The following MAST4 variants were observed in gnomAD, a reference collection of about 807,000 sequenced individuals.
MAST4 encodes microtubule associated serine/threonine kinase family member 4.
Under a neutral mutation model 162.7 loss-of-function variants are expected in MAST4, and 89 were observed. The observed-to-expected ratio is 0.55, with a 90% CI of 0.46 to 0.65. The LOEUF (loss-of-function observed/expected upper bound fraction) is 0.65, where lower values mean the gene tolerates loss of function less well. MAST4 is among the 30% of genes least tolerant of loss of function. MAST4 has a pLI of 0.00. For synonymous variants in MAST4, 1,479 were observed against 1,361.1 expected (o/e 1.09, Z -1.91); for missense variants, 3,153 against 3,374.0 (o/e 0.93, Z 1.62).
chr5:66,934,546 T>A (rs1172798836), intron 4 of MAST4, among the ~76,000 whole-genome samples: 1 of 151,984 alleles, frequency 6.6e-6, no homozygotes, highest in Non-Finnish European at 1.5e-5. Context: ...ACAAAATTTT[T>A]AAAAATGTAT....
chr5:66,704,293 C>T (rs570387242), intron 1 of MAST4, among the ~76,000 whole-genome samples: 1 of 152,182 alleles, frequency 6.6e-6, no homozygotes, highest in African/African-American at 2.4e-5. Context: ...CATCAGTTTC[C>T]TTATCTGTGA....
chr5:66,806,367 A>G (rs965251015), intron 3 of MAST4, among the ~76,000 whole-genome samples: 2 of 152,218 alleles, frequency 1.3e-5, no homozygotes, highest in Non-Finnish European at 1.5e-5. Flanking sequence ...GCTGATGGCA[A>G]CAGTTTTCAC....
At chr5:66,849,924 G>C (rs544607766) in intron 3 of MAST4, among the ~76,000 whole-genome samples, 4 of 152,278 alleles carry the variant, frequency 2.6e-5, no homozygotes, top group African/African-American at 9.6e-5. Context: ...CTCAAGGTCT[G>C]CTTAGATGTT....
At chr5:66,889,017 C>T (rs188031833) in intron 3 of MAST4, among the ~76,000 whole-genome samples, 169 of 152,294 alleles carry the variant, frequency 1.1e-3, no homozygotes, top group Non-Finnish European at 2.1e-3. Flanking sequence ...TAAAAGGTGT[C>T]TTATATCCAC....
chr5:66,967,396 C>T (rs1181855269), intron 4 of MAST4, among the ~76,000 whole-genome samples: 1 of 152,176 alleles, frequency 6.6e-6, no homozygotes, highest in African/African-American at 2.4e-5. Context: ...TCTGCAGCTT[C>T]CAGGACAGCT....
intron 13 of MAST4, among the ~76,000 whole-genome samples, chr5:67,120,114 A>G (rs1321000016): frequency 6.6e-6 from 1 of 152,184 alleles, no homozygotes; most frequent in Non-Finnish European, 1.5e-5. Context: ...GGAGCAGAGG[A>G]AACAGATGGT....
At chr5:66,964,759 G>A (rs961659758) in intron 4 of MAST4, among the ~76,000 whole-genome samples, 1 of 152,094 alleles carries the variant, frequency 6.6e-6, no homozygotes, top group Non-Finnish European at 1.5e-5. Context: ...GCTGAGATCT[G>A]GCCACTGCAC....
rs78053837 is a variant in MAST4 at position 67,149,867 on chromosome 5, C to T, written c.3295+278C>T. 5.6e-3 allele frequency among the ~76,000 whole-genome samples: 853 copies of T among 152,224 alleles called. 7 individuals are homozygous for T. Among genetic ancestry groups the T allele is most frequent in the African/African-American group, 0.02 (822 of 41,544 alleles). On this transcript the variant is annotated intron_variant, in intron 24 of 28. Coordinates refer to ENST00000403625, the MANE Select transcript of MAST4 (RefSeq NM_001164664.2). ...ATGAAAGCTTGTTTCTGTTTTGTTT[C>T]CTTTCGTTTTCTTTTCTCCCTCCAA...
chr5:66,721,655 G>A (rs1460489230), intron 1 of MAST4, among the ~76,000 whole-genome samples: 1 of 149,586 alleles, frequency 6.7e-6, no homozygotes, highest in Non-Finnish European at 1.5e-5. Context: ...TATAGCTCCC[G>A]AATTTATATC....
intron 5 of MAST4, among the ~76,000 whole-genome samples, chr5:67,086,515 G>A (rs866358864): frequency 3.3e-5 from 5 of 152,190 alleles, no homozygotes; most frequent in Non-Finnish European, 5.9e-5. Context: ...GGGGGATCAT[G>A]GAGTTAATTA....
Position 66,600,096 on chromosome 5 carries a change from C to A in MAST4, c.363+3078C>A, listed in dbSNP as rs540520430. On this transcript the variant is annotated intron_variant, in intron 1 of 28. Coordinates refer to ENST00000403625, the MANE Select transcript of MAST4 (RefSeq NM_001164664.2). ...TTGACTTATTTTTTACTTTATCTTA[C>A]TGTCAATAATTGTATAAACTTCCAA... Among the ~76,000 whole-genome samples, 17 of 152,314 alleles carry A rather than the reference C, an allele frequency of 1.1e-4. No individual in the cohort carries two copies. The South Asian group carries it at 3.5e-3, about 32-fold the overall frequency.
At chr5:66,962,244 G>A (rs1288390267) in intron 4 of MAST4, among the ~76,000 whole-genome samples, 2 of 151,696 alleles carry the variant, frequency 1.3e-5, no homozygotes, top group African/African-American at 2.4e-5. Context: ...ACAGTGTAGA[G>A]CCATCGTCCA....
intron 4 of MAST4, chr5:67,001,359 A>T (rs999929708): frequency 2.6e-5 from 4 of 152,258 alleles, no homozygotes; most frequent in African/African-American, 9.6e-5. Flanking sequence ...TTCGCTCACT[A>T]TATTAATTCA....
chr5:66,804,406 G>A (rs915503302), intron 3 of MAST4, among the ~76,000 whole-genome samples: 8 of 152,200 alleles, frequency 5.3e-5, no homozygotes, highest in Non-Finnish European at 1.2e-4. Context: ...CAGACTGCAG[G>A]TCCGATGTCT....
At chr5:66,825,986 A>G (rs1163408116) in intron 3 of MAST4, among the ~76,000 whole-genome samples, 1 of 152,240 alleles carries the variant, frequency 6.6e-6, no homozygotes. Context: ...TTACCTGTGA[A>G]TAGTGTCATC....
At chr5:66,859,727 G>T (rs1000260870) in intron 3 of MAST4, among the ~76,000 whole-genome samples, 1 of 152,222 alleles carries the variant, frequency 6.6e-6, no homozygotes, top group Admixed American at 6.5e-5. Flanking sequence ...TTAAATACAA[G>T]AGGAAGAATA....
chr5:66,887,974 C>T (rs1458910184), intron 3 of MAST4, among the ~76,000 whole-genome samples: 3 of 151,626 alleles, frequency 2.0e-5, no homozygotes, highest in Admixed American at 6.6e-5. Flanking sequence ...TTTGGGAGGC[C>T]GAGGCGGGCA....
chr5:67,080,114 C>T (rs1762428997), intron 5 of MAST4, among the ~76,000 whole-genome samples: 1 of 152,192 alleles, frequency 6.6e-6, no homozygotes, highest in South Asian at 2.1e-4. Flanking sequence ...ACACAGCCTT[C>T]AGAAAGGTTA....
rs753958583 is a variant in MAST4, at chr5:67,142,086, C to T, written c.2495-29C>T. 8 of 1,606,876 alleles carry T rather than the reference C, an allele frequency of 5.0e-6. No homozygotes were observed. In the Admixed American group the frequency reaches 1.2e-4, roughly 24 times the overall value. ...CTTAGTGGGGATAGTTTAACACTTT[C>T]CTCTCTGTCTCTACCTGCCCCCTTC... On this transcript the variant is annotated intron_variant, in intron 19 of 28. Transcript: ENST00000403625.
Sources: gnomAD v4.1 joint callset for allele counts (sites outside exome capture counted in the v4.1 genomes callset) on GRCh38, gnomAD v4.1.1 for gene constraint, MANE v1.5 for transcripts, NCBI Gene and HGNC (gene_info 2026-07-23, HGNC 2026-07-21) for gene names.